KCNC3: variants seen among roughly 807,000 people sequenced by gnomAD.
KCNC3 encodes potassium voltage-gated channel subfamily C member 3.
Under a neutral mutation model 43.9 loss-of-function variants are expected in KCNC3, and 22 were observed. That is an observed-to-expected ratio of 0.50 (90% CI 0.36 to 0.72). The LOEUF (loss-of-function observed/expected upper bound fraction) is 0.72. Ranked by LOEUF, KCNC3 falls within the 30% of genes least tolerant of loss-of-function variation. The pLI is 0.00. For synonymous variants in KCNC3, 492 were observed against 488.0 expected, an observed-to-expected ratio of 1.01 and a Z score of -0.11; for missense variants, 829 against 1,073.8, an observed-to-expected ratio of 0.77 and a Z score of 3.19.
chr19:50,330,926 G>C (rs1024696047), upstream of KCNC3, among the ~76,000 whole-genome samples: 1 of 151,958 alleles, frequency 6.6e-6, no homozygotes. Context: ...TGCGGAGGGA[G>C]GAGGCGGCGC....
At chr19:50,326,417 C>A (rs1008092385) in intron 1 of KCNC3, among the ~76,000 whole-genome samples, 6 of 152,096 alleles carry the variant, frequency 3.9e-5, no homozygotes, top group Non-Finnish European at 8.8e-5. Context: ...CCCCATCCAA[C>A]CCCAAATCTC....
At position 50,328,959 on chromosome 19, in the gene KCNC3, G is replaced by A; in HGVS notation, c.124C>T (p.Gln42Ter). ...GCGGCGGGGCCGGGCTGCGCAGGCT[G>A]CTGCTGCTGCGGCGGCAGCGGTGGC... Reference protein sequence around the residue: ...PPPPLPPQQQQPAQPGPAASP... With the variant: ...PPPPLPPQQQ Residue 42 changes from glutamine (Q) to a stop codon, truncating the protein, a stop_gained, in exon 1 of 5, where the codon CAG becomes TAG. Coordinates refer to ENST00000477616, the MANE Select transcript of KCNC3 (RefSeq NM_004977.3). LOFTEE classifies it high-confidence loss of function. The A allele has an allele frequency of 1.1e-6, 1 of 937,430 alleles. No individual in the cohort carries two copies. 58.1% of individuals were successfully genotyped at this position (937,430 alleles called of 1,614,324 possible).
chr19:50,333,295 T>A (rs1190988584), upstream of KCNC3, among the ~76,000 whole-genome samples: 1 of 150,262 alleles, frequency 6.7e-6, no homozygotes, highest in African/African-American at 2.5e-5. Flanking sequence ...GAGGGGGGAG[T>A]GACATCACCG....
chr19:50,316,418 G>A (rs914461470), intron 4 of KCNC3, among the ~76,000 whole-genome samples: 22 of 152,046 alleles, frequency 1.4e-4, no homozygotes, highest in Middle Eastern at 3.4e-3. Context: ...GAGGAAAGGA[G>A]GGTCTTGGGA....
intron 1 of KCNC3, among the ~76,000 whole-genome samples, chr19:50,325,674 G>T (rs1267171661): frequency 6.6e-6 from 1 of 151,816 alleles, no homozygotes; most frequent in African/African-American, 2.4e-5. Context: ...CGCCCCCTCC[G>T]AGCCGGGCGC....
Position 50,328,325 on chromosome 19 carries a change from C to T in KCNC3, c.758G>A (p.Gly253Asp), listed in dbSNP as rs2037132006. The part of the protein sequence containing the change: ...KRLCFQDAGG[G>D]AGGPPGGAGG... ...CGCGCCCCCTGGCGGCCCCCCGGCGCCGCCGCCCGCGTCCTGGAAGCAGAG... is the reference window on the plus strand; with the variant it reads ...CGCGCCCCCTGGCGGCCCCCCGGCGTCGCCGCCCGCGTCCTGGAAGCAGAG... The change falls in exon 1 of 5, where the codon GGC becomes GAC. Residue 253 changes from glycine to aspartate, a missense_variant. This residue lies in a region of KCNC3 where 60 missense variants were observed against 56.0 expected (regional missense o/e 1.07). Coordinates refer to ENST00000477616, the MANE Select transcript of KCNC3 (RefSeq NM_004977.3). 12 of 1,135,970 alleles carry T rather than the reference C, an allele frequency of 1.1e-5. No individual in the cohort carries two copies. The highest frequency in any genetic ancestry group is 9.9e-5 in the African/African-American group (6 of 60,490). 70.4% of individuals were successfully genotyped at this position (1,135,970 alleles called of 1,614,324 possible). A position where few individuals can be genotyped will look rare whatever the true frequency, so the allele number is the denominator to read the frequency against.
Position 50,320,340 on chromosome 19 carries a change from G to A in KCNC3, c.2180C>T (p.Ala727Val). 2.9e-6 allele frequency: 1 copy of A among 347,500 alleles called. No individual in the cohort carries two copies. The highest frequency in any genetic ancestry group is 5.4e-6 in the Non-Finnish European group (1 of 186,072). The allele number at this position is 347,500 out of a possible 1,614,324, so 21.5% of individuals were successfully genotyped here. Residue 727 changes from alanine to valine, a missense_variant, in exon 4 of 5, where the codon GCT becomes GTT. Ala to Val is a moderately conservative substitution (Grantham distance 64). This residue lies in a region of KCNC3 where 308 missense variants were observed against 276.2 expected (regional missense o/e 1.11). Coordinates refer to ENST00000477616, the MANE Select transcript of KCNC3 (RefSeq NM_004977.3). Reference sequence around the variant, plus strand: ...CCAGTCTTGGGGGGGCAGTGGGGGAGCACCAGTGGCTGGGGGTGGGGGAAG... The same window carrying A: ...CCAGTCTTGGGGGGGCAGTGGGGGAACACCAGTGGCTGGGGGTGGGGGAAG... ...PDGSIRKATG[A>V]PPLPPQDWRK...
chr19:50,322,082 G>C (rs546777100), intron 2 of KCNC3, among the ~76,000 whole-genome samples: 1 of 152,066 alleles, frequency 6.6e-6, no homozygotes, highest in Admixed American at 6.5e-5. Flanking sequence ...CTGGGTCAGC[G>C]GCTGAGGGAG....
chr19:50,318,991 C>CAAAAAAAAAAAAAAAAAAAAAAA (rs11326559), intron 4 of KCNC3, among the ~76,000 whole-genome samples: 1 of 71,458 alleles, frequency 1.4e-5, no homozygotes, highest in Non-Finnish European at 2.4e-5. Context: ...AAGACAGTCT[C>CAAAAAAAAAAAAAAAAAAAAAAA]AAAAAAAAAA....
rs769068665 is a variant in KCNC3 at position 50,323,333 on chromosome 19, G to A, written c.1620C>T (p.Asn540=). ...TIAMPVPVIV[N]NFGMYYSLAM... is the part of the protein sequence containing the mutation. ...CCAGCGAATAGTACATGCCAAAGTT[G>A]TTGACAATGACGGGCACAGGCATGG... The change falls in exon 2 of 5, where the codon AAC becomes AAT. Residue 540 remains asparagine (N), a synonymous_variant. Transcript: ENST00000477616. The A allele has an allele frequency of 6.2e-7, 1 of 1,614,112 alleles. No individual in the cohort carries two copies. Among genetic ancestry groups the A allele is most frequent in the Admixed American group, 1.7e-5 (1 of 60,036 alleles).
At chr19:50,330,375 A>C (rs2037173663), upstream of KCNC3, among the ~76,000 whole-genome samples, 1 of 152,130 alleles carries the variant, frequency 6.6e-6, no homozygotes, top group Middle Eastern at 3.4e-3. Flanking sequence ...AGGGTAGGCG[A>C]GGGCAGGGCA....
rs1454587314 is a variant in KCNC3, at chr19:50,329,114, C to G, written c.-32G>C. On this transcript the variant is annotated 5_prime_UTR_variant, in exon 1 of 5. Transcript: ENST00000477616. ...GGGGGCGGGGCGGGAGGGGCGGGGACGCAGGGGCGGGGACACGGGGGGAGA... is the reference window on the plus strand; with the variant it reads ...GGGGGCGGGGCGGGAGGGGCGGGGAGGCAGGGGCGGGGACACGGGGGGAGA... 2.5e-5 allele frequency: 3 copies of G among 118,922 alleles called. No homozygotes were observed. The highest frequency in any genetic ancestry group is 1.4e-4 in the Admixed American group (1 of 6,956). 7.4% of individuals were successfully genotyped at this position (118,922 alleles called of 1,614,324 possible).
In KCNC3 at chr19:50,314,908, A is replaced by T; in HGVS notation, c.*1207T>A. On this transcript the variant is annotated 3_prime_UTR_variant, in exon 5 of 5. Transcript: ENST00000477616. ...CGCGGCGGGCGGCCCGGGGAGAGCC[A>T]GGGGGGGTGGCAAGGGGCGCGAGGC... 2 of 280,722 alleles carry T rather than the reference A, an allele frequency of 7.1e-6. No homozygotes were observed. The highest frequency in any genetic ancestry group is 7.0e-6 in the Non-Finnish European group (1 of 142,740). The allele number at this position is 280,722 out of a possible 1,614,324, so 17.4% of individuals were successfully genotyped here.
chr19:50,327,100 G>C (rs1357029333), intron 1 of KCNC3, among the ~76,000 whole-genome samples: 1 of 151,954 alleles, frequency 6.6e-6, no homozygotes, highest in Non-Finnish European at 1.5e-5. Context: ...ACTAGGAAAC[G>C]GGCTGTGGGG....
rs2301356 is a variant in KCNC3 at position 50,323,414 on chromosome 19, C to T, written c.1539G>A (p.Thr513=). ...GCGCCCCGACCAGCATCCCCGACCA[C>T]GTCTTGGGGTACATGTCTCCATAGC... The part of the protein sequence containing the change: ...TLGYGDMYPK[T]WSGMLVGALC... Residue 513 remains threonine, a synonymous_variant, in exon 2 of 5, where the codon ACG becomes ACA. Coordinates refer to ENST00000477616, the MANE Select transcript of KCNC3 (RefSeq NM_004977.3). 1.2e-4 allele frequency: 199 copies of T among 1,614,192 alleles called. 1 individual carries two copies. In the East Asian group the frequency reaches 3.4e-3, roughly 28 times the overall value.
intron 4 of KCNC3, among the ~76,000 whole-genome samples, chr19:50,316,344 T>G (rs1601092272): frequency 1.1e-4 from 15 of 138,342 alleles, no homozygotes; most frequent in African/African-American, 1.4e-4. Flanking sequence ...TGGGGAGGAG[T>G]GGGAGCCAGT....
Position 50,320,621 on chromosome 19 carries a change from G to A in KCNC3, c.2142C>T (p.Ala714=), listed in dbSNP as rs1358959803. The change falls in exon 3 of 5, where the codon GCC becomes GCT. Residue 714 remains alanine, a synonymous_variant. Transcript: ENST00000477616. ...DRACFLLTDY[A]PSPDGSIRKA... ...TTCGGATGGAGCCATCAGGGGAAGG[G>A]GCATAGTCGGTGAGGAGGAAGCAGG... The A allele has an allele frequency of 1.2e-6, 2 of 1,612,560 alleles. No individual in the cohort carries two copies. Among genetic ancestry groups the A allele is most frequent in the Non-Finnish European group, 1.7e-6 (2 of 1,179,822 alleles).
chr19:50,323,185 CGTGGTGCGG>C lies in KCNC3; in HGVS notation c.1759_1767del (p.Pro587_His589del). On this transcript the variant is annotated inframe_deletion, in exon 2 of 5. Coordinates refer to ENST00000477616, the MANE Select transcript of KCNC3 (RefSeq NM_004977.3). ...GGCGGCGGGCTGATGCCCCCGCTGCCGTGGTGCGGGTGGGGCGGGGGTGGCGGGGGTGGG... is the reference window on the plus strand; with the variant it reads ...GGCGGCGGGCTGATGCCCCCGCTGCCGTGGGGCGGGGGTGGCGGGGGTGGG... The C allele has an allele frequency of 7.5e-7, 1 of 1,325,750 alleles. No individual in the cohort carries two copies. Among genetic ancestry groups the C allele is most frequent in the East Asian group, 2.5e-5 (1 of 39,768 alleles). 82.1% of individuals were successfully genotyped at this position (1,325,750 alleles called of 1,614,324 possible). A position where few individuals can be genotyped will look rare whatever the true frequency, so the allele number is the denominator to read the frequency against.
At chr19:50,321,200 G>A (rs998641174) in intron 2 of KCNC3, among the ~76,000 whole-genome samples, 2 of 152,042 alleles carry the variant, frequency 1.3e-5, no homozygotes, top group African/African-American at 4.8e-5. Context: ...GGCCACATTG[G>A]CTCATGCCTA....
Sources: gnomAD v4.1 joint callset for allele counts (sites outside exome capture counted in the v4.1 genomes callset) on GRCh38, gnomAD v4.1.1 for gene constraint, gnomAD v4.1.1 regional missense constraint, MANE v1.5 for transcripts, NCBI Gene and HGNC (gene_info 2026-07-23, HGNC 2026-07-21) for gene names.